The following MACROD2 variants were observed in gnomAD, a reference collection of about 807,000 sequenced individuals.
MACROD2 encodes the protein ADP-ribose glycohydrolase MACROD2.
In MACROD2, 36 loss-of-function variants were observed where a neutral mutation model predicts 70.4. The observed-to-expected ratio is 0.51, with a 90% CI of 0.39 to 0.68. The LOEUF (loss-of-function observed/expected upper bound fraction) is 0.68, where lower values mean the gene tolerates loss of function less well. MACROD2 is among the 30% of genes least tolerant of loss of function. The probability of loss-of-function intolerance (pLI) is 0.00; values close to 1 mark genes in which losing one functional copy is unlikely to be tolerated. For synonymous variants in MACROD2, 172 were observed against 178.8 expected (o/e 0.96, Z 0.30); for missense variants, 496 against 538.4 (o/e 0.92, Z 0.78).
At chr20:14,716,199 A>T (rs2071394993) in intron 5 of MACROD2, among the ~76,000 whole-genome samples, 1 of 152,140 alleles carries the variant, frequency 6.6e-6, no homozygotes, top group African/African-American at 2.4e-5. Context: ...TTTCTTCATG[A>T]TCCAAATAAA....
intron 8 of MACROD2, among the ~76,000 whole-genome samples, chr20:15,564,861 A>G (rs1233747): frequency 0.21 from 32,456 of 152,146 alleles, 3,696 homozygotes; most frequent in South Asian, 0.38. Context: ...TTTACTTTTA[A>G]ATAATTGAGT....
intron 8 of MACROD2, among the ~76,000 whole-genome samples, chr20:15,737,343 A>T (rs549059208): frequency 2.0e-4 from 30 of 152,344 alleles, no homozygotes; most frequent in African/African-American, 7.0e-4. Flanking sequence ...GTTACTAAGC[A>T]CCTAAAAGAA....
chr20:15,767,587 T>C (rs2051549092), intron 8 of MACROD2, among the ~76,000 whole-genome samples: 1 of 152,238 alleles, frequency 6.6e-6, no homozygotes, highest in African/African-American at 2.4e-5. Flanking sequence ...GCCCCTCATT[T>C]CTTCTGCCTT....
At chr20:14,975,816 C>T (rs539164408) in intron 5 of MACROD2, among the ~76,000 whole-genome samples, 3 of 152,184 alleles carry the variant, frequency 2.0e-5, no homozygotes, top group South Asian at 2.1e-4. Flanking sequence ...TGAGCTGAAG[C>T]GGAGTGAGAA....
chr20:15,359,316 T>G (rs560017423), intron 6 of MACROD2, among the ~76,000 whole-genome samples: 1 of 152,140 alleles, frequency 6.6e-6, no homozygotes, highest in Non-Finnish European at 1.5e-5. Flanking sequence ...AACTGCTTAC[T>G]CAGAATGGTA....
intron 4 of MACROD2, among the ~76,000 whole-genome samples, chr20:14,647,598 G>T (rs1985463402): frequency 6.6e-6 from 1 of 151,768 alleles, no homozygotes; most frequent in African/African-American, 2.4e-5. Context: ...AGTTCTCATT[G>T]GATCCCTTGA....
At chr20:15,055,069 C>A (rs1193590316) in intron 5 of MACROD2, among the ~76,000 whole-genome samples, 1 of 151,670 alleles carries the variant, frequency 6.6e-6, no homozygotes, top group African/African-American at 2.4e-5. Context: ...CCTGCCTCAG[C>A]CTCCCAAGTA....
intron 8 of MACROD2, among the ~76,000 whole-genome samples, chr20:15,850,760 A>T (rs2147146519): frequency 6.6e-6 from 1 of 152,262 alleles, no homozygotes; most frequent in Admixed American, 6.5e-5. Flanking sequence ...GTCCACAGAG[A>T]ACTTTGAGAG....
intron 5 of MACROD2, among the ~76,000 whole-genome samples, chr20:15,131,335 A>G (rs1205333282): frequency 6.6e-6 from 1 of 152,176 alleles, no homozygotes; most frequent in Non-Finnish European, 1.5e-5. Flanking sequence ...TTAAGCCATT[A>G]AGTTTCAAGT....
intron 3 of MACROD2, among the ~76,000 whole-genome samples, chr20:14,439,086 GTAAGA>G (rs1417252738): frequency 6.6e-6 from 1 of 152,134 alleles, no homozygotes; most frequent in Non-Finnish European, 1.5e-5. Flanking sequence ...TGTACATGAT[GTAAGA>G]TAAGAGTCAA....
chr20:15,024,839 T>A (rs1368957513), intron 5 of MACROD2, among the ~76,000 whole-genome samples: 1 of 152,186 alleles, frequency 6.6e-6, no homozygotes, highest in Admixed American at 6.5e-5. Context: ...AAAAATGATT[T>A]CCATCGATCA....
chr20:14,256,071 A>G (rs2082054082), intron 3 of MACROD2, among the ~76,000 whole-genome samples: 1 of 151,826 alleles, frequency 6.6e-6, no homozygotes, highest in Non-Finnish European at 1.5e-5. Context: ...CACATCTAGG[A>G]CTTTTTTCCT....
chr20:14,377,721 C>T (rs1188836790), intron 3 of MACROD2, among the ~76,000 whole-genome samples: 5 of 152,176 alleles, frequency 3.3e-5, no homozygotes, highest in African/African-American at 1.2e-4. Flanking sequence ...ACTTAATTCA[C>T]ATTTGTATAG....
At chr20:15,148,388 G>T (rs1157995430) in intron 5 of MACROD2, among the ~76,000 whole-genome samples, 2 of 151,996 alleles carry the variant, frequency 1.3e-5, no homozygotes, top group Admixed American at 6.5e-5. Context: ...GAGGACCTAG[G>T]ACATCTAATT....
rs1316194307 is a variant in MACROD2 at position 14,326,519 on chromosome 20, G to A, written c.272-166960G>A. 1 of 1,613,832 alleles carries A rather than the reference G, an allele frequency of 6.2e-7. No homozygotes were observed. Among genetic ancestry groups the A allele is most frequent in the Non-Finnish European group, 8.5e-7 (1 of 1,179,860 alleles). ...TCTGGGGCTTGGCACATGAGCCCAC[G>A]CACGTTGACCTTCACAGGTAGTGAT... On this transcript the variant is annotated intron_variant, in intron 3 of 17. Coordinates refer to ENST00000684519, the MANE Select transcript of MACROD2 (RefSeq NM_001351661.2). The surrounding 1 kb of genome is among the most constrained non-coding windows in gnomAD (Gnocchi z 5.5).
rs557349810 is a variant in MACROD2 at position 14,041,015 on chromosome 20, ATAGT to A, written c.163+38613_163+38616del. Reference sequence around the variant, plus strand: ...ATTTAGACTTGAGTGAAGAAGAAAAATAGTTGGTAGAATTCGCATAGTTCTCAGG... The same window carrying A: ...ATTTAGACTTGAGTGAAGAAGAAAAATGGTAGAATTCGCATAGTTCTCAGG... On this transcript the variant is annotated intron_variant, in intron 2 of 17. Transcript: ENST00000684519. Among the ~76,000 whole-genome samples the A allele has an allele frequency of 2.0e-4, 31 of 152,286 alleles. No individual in the cohort carries two copies. The South Asian group carries it at 3.1e-3, about 15-fold the overall frequency.
In MACROD2 at chr20:15,174,199, G is replaced by A. The variant is rs140506036; in HGVS notation, c.419-55741G>A. Among the ~76,000 whole-genome samples the A allele has an allele frequency of 8.2e-4, 124 of 152,128 alleles. 1 individual carries two copies. Among genetic ancestry groups the A allele is most frequent in the Middle Eastern group, 3.4e-3 (1 of 294 alleles). On this transcript the variant is annotated intron_variant, in intron 5 of 17. Transcript: ENST00000684519. ...TTTTTACACTCAAGTGCAATGTCTC[G>A]TCTTAATATAAAATCTTTAAATGTA...
intron 3 of MACROD2, among the ~76,000 whole-genome samples, chr20:14,243,385 C>T (rs2122241631): frequency 6.6e-6 from 1 of 152,314 alleles, no homozygotes; most frequent in African/African-American, 2.4e-5. Flanking sequence ...AAGTTTACTA[C>T]AAAGACTCTA....
intron 6 of MACROD2, among the ~76,000 whole-genome samples, chr20:15,340,181 C>G (rs1201217677): frequency 7.7e-6 from 1 of 130,586 alleles, no homozygotes; most frequent in Non-Finnish European, 1.6e-5. Flanking sequence ...CTCTGTCACC[C>G]AGGCTGGAGT....
Sources: gnomAD v4.1 joint callset for allele counts (sites outside exome capture counted in the v4.1 genomes callset) on GRCh38, gnomAD v4.1.1 for gene constraint, Gnocchi (gnomAD v3.1) non-coding constraint, MANE v1.5 for transcripts, NCBI Gene and HGNC (gene_info 2026-07-23, HGNC 2026-07-21) for gene names.